Variants in MICAL1 observed in about 807,000 individuals in gnomAD.
MICAL1 encodes the protein microtubule associated monooxygenase, calponin and LIM domain containing 1, also known as [F-actin]-monooxygenase MICAL1.
In MICAL1, 95 loss-of-function variants were observed where a neutral mutation model predicts 131.8. That is an observed-to-expected ratio of 0.72 (90% CI 0.61 to 0.86). The LOEUF (loss-of-function observed/expected upper bound fraction) is 0.86, where lower values mean the gene tolerates loss of function less well. Ranked by LOEUF, MICAL1 falls within the 40% of genes least tolerant of loss-of-function variation. MICAL1 has a pLI of 0.00. For missense variants in MICAL1, 1,292 were observed against 1,380.6 expected (o/e 0.94, Z 1.02); for synonymous variants, 546 against 554.2 (o/e 0.99, Z 0.21).
chr6:109,461,063 G>T (rs1269804927), intron 1 of MICAL1, among the ~76,000 whole-genome samples: 1 of 152,056 alleles, frequency 6.6e-6, no homozygotes, highest in African/African-American at 2.4e-5. Flanking sequence ...CCATCAACTT[G>T]TCATTTACAT....
intron 1 of MICAL1, chr6:109,465,119 C>A (rs2115352112): frequency 6.6e-6 from 1 of 152,316 alleles, no homozygotes; most frequent in East Asian, 1.9e-4. Flanking sequence ...ATTTTGATAG[C>A]CTTCTGTTGA....
At position 109,450,031 on chromosome 6, in the gene MICAL1, C is replaced by T. The variant is rs1350033666; in HGVS notation, c.1246G>A (p.Ala416Thr). 1 of 1,614,034 alleles carries T rather than the reference C, an allele frequency of 6.2e-7. No homozygotes were observed. Among genetic ancestry groups the T allele is most frequent in the African/African-American group, 1.3e-5 (1 of 74,920 alleles). Reference sequence around the variant, plus strand: ...GCCCACCGCTTCACCATCCAGGCTGCATCAAAGGCTGCCAGGAAGCCCCGT... The same window carrying T: ...GCCCACCGCTTCACCATCCAGGCTGTATCAAAGGCTGCCAGGAAGCCCCGT... ...VARGFLAAFD[A>T]AWMVKRWAEG... The change falls in exon 9 of 25, where the codon GCA becomes ACA. Residue 416 changes from alanine (A) to threonine (T), a missense_variant. By Grantham distance (58) the Ala-to-Thr change is moderately conservative. Coordinates refer to ENST00000358807, the MANE Select transcript of MICAL1 (RefSeq NM_022765.4).
upstream of MICAL1, among the ~76,000 whole-genome samples, chr6:109,457,265 C>G (rs9487111): frequency 0.017 from 2,553 of 152,260 alleles, 83 homozygotes; most frequent in African/African-American, 0.059. Context: ...CAGTTGGGCC[C>G]ATCCTAGCTT....
chr6:109,449,992 A>T lies in MICAL1; in HGVS notation c.1285T>A (p.Ser429Thr). 2 of 1,613,766 alleles carry T rather than the reference A, an allele frequency of 1.2e-6. No homozygotes were observed. The highest frequency in any genetic ancestry group is 1.7e-6 in the Non-Finnish European group (2 of 1,179,892). Residue 429 changes from serine to threonine, a missense_variant, in exon 9 of 25, where the codon TCC becomes ACC. Ser to Thr is a moderately conservative substitution (Grantham distance 58). Coordinates refer to ENST00000358807, the MANE Select transcript of MICAL1 (RefSeq NM_022765.4). ...MVKRWAEGAE[S>T]LEVLAERESL... ...TACCGCTCAGCCAACACCTCTAGGG[A>T]CTCAGCGCCCTCTGCCCACCGCTTC...
upstream of MICAL1, among the ~76,000 whole-genome samples, chr6:109,456,839 C>T (rs571705349): frequency 6.6e-6 from 1 of 152,334 alleles, no homozygotes; most frequent in South Asian, 2.1e-4. Flanking sequence ...GTTCTGTGAT[C>T]TGCACACAGC....
At chr6:109,465,506 G>T in intron 1 of MICAL1, 1 of 771,638 alleles carries the variant, frequency 1.3e-6, no homozygotes, top group Non-Finnish European at 2.0e-6. Context: ...TAACTGGGGA[G>T]GTTGGCAAGA....
intron 4 of MICAL1, 57 bp downstream of exon 4, chr6:109,453,206 A>C: frequency 1.4e-6 from 2 of 1,402,386 alleles, no homozygotes; most frequent in Non-Finnish European, 2.0e-6. Context: ...TTTTTCAGAC[A>C]CTGGCCAAGT....
Position 109,446,134 on chromosome 6 carries a change from AC to A in MICAL1, c.2581+1del. ...GTCAGCACATCTGTGAGGATGGGTT[AC>A]CTTGAGGGCTCTGGACTGGCAGGCC... On this transcript the variant is annotated splice_donor_variant, in intron 19 of 24. Transcript: ENST00000358807. LOFTEE classifies it high-confidence loss of function. 6.6e-7 allele frequency: 1 copy of A among 1,517,182 alleles called. No individual in the cohort carries two copies. The highest frequency in any genetic ancestry group is 8.8e-7 in the Non-Finnish European group (1 of 1,135,652). 94.0% of individuals were successfully genotyped at this position (1,517,182 alleles called of 1,614,324 possible). A position where few individuals can be genotyped will look rare whatever the true frequency, so the allele number is the denominator to read the frequency against.
chr6:109,448,211 T>TG lies in MICAL1; in HGVS notation c.1846dup (p.His616ProfsTer21). The TG allele has an allele frequency of 6.2e-7, 1 of 1,611,424 alleles. No individual in the cohort carries two copies. The highest frequency in any genetic ancestry group is 8.5e-7 in the Non-Finnish European group (1 of 1,179,714). On this transcript the variant is annotated frameshift_variant, in exon 13 of 25. Coordinates refer to ENST00000358807, the MANE Select transcript of MICAL1 (RefSeq NM_022765.4). LOFTEE classifies it high-confidence loss of function. ...CCTTTCCTTCAGGTCACCTGGGCTGTGGGCCATGCTCTTGAAGGCACTGTG... is the reference window on the plus strand; with the variant it reads ...CCTTTCCTTCAGGTCACCTGGGCTGTGGGGCCATGCTCTTGAAGGCACTGTG...
In MICAL1 at chr6:109,449,739, A is replaced by G. The variant is rs1775451350; in HGVS notation, c.1352T>C (p.Met451Thr). ...QLLSQTSPENMHRNVAQYGLD... is the reference protein window; with the variant it reads ...QLLSQTSPENTHRNVAQYGLD... ...CCCATACTGGGCCACATTGCGATGC[A>G]TGTTTTCTGGGGATGTCTGTGACAG... Residue 451 changes from methionine (M) to threonine (T), a missense_variant, in exon 10 of 25, where the codon ATG becomes ACG. Coordinates refer to ENST00000358807, the MANE Select transcript of MICAL1 (RefSeq NM_022765.4). 6.2e-7 allele frequency: 1 copy of G among 1,607,162 alleles called. No individual in the cohort carries two copies. Among genetic ancestry groups the G allele is most frequent in the Non-Finnish European group, 8.5e-7 (1 of 1,176,682 alleles).
intron 6 of MICAL1, 100 bp downstream of exon 6, chr6:109,452,146 T>G: frequency 6.7e-7 from 1 of 1,498,074 alleles, no homozygotes; most frequent in Non-Finnish European, 8.9e-7. Flanking sequence ...AACAGAAAAG[T>G]GTGGAGTTCC....
In MICAL1 at chr6:109,452,314, AC is replaced by A; in HGVS notation, c.763del (p.Val255CysfsTer7). ...CCTGGCTACACCACTGATCTCCGGC[AC>A]CTGTGTCTCCTCCACGGTGCGTCCA... is the stretch of plus-strand genomic sequence containing the variant. ...VNGRTVEETQ[V>X]PEISGVARIY... On this transcript the variant is annotated frameshift_variant, in exon 6 of 25. Transcript: ENST00000358807. LOFTEE classifies it high-confidence loss of function. 1 of 1,614,136 alleles carries A rather than the reference AC, an allele frequency of 6.2e-7. No individual in the cohort carries two copies. The highest frequency in any genetic ancestry group is 1.1e-5 in the South Asian group (1 of 91,084).
At chr6:109,457,961 A>G (rs1424516330), upstream of MICAL1, among the ~76,000 whole-genome samples, 1 of 152,162 alleles carries the variant, frequency 6.6e-6, no homozygotes, top group Non-Finnish European at 1.5e-5. Context: ...GTGACCTTGG[A>G]TGTCACCAAC....
chr6:109,446,428 T>TGTGGTCTGGTCAGTCACCTGCCCAGG lies in MICAL1; in HGVS notation c.2305-17_2305-16insCCTGGGCAGGTGACTGACCAGACCAC, dbSNP rs6149743. On this transcript the variant is annotated splice_polypyrimidine_tract_variant and intron_variant, in intron 18 of 24. Coordinates refer to ENST00000358807, the MANE Select transcript of MICAL1 (RefSeq NM_022765.4). ...TGGGGAGCTCCTGGAAAAGCCACCA[T>TGTGGTCTGGTCAGTCACCTGCCCAGG]GTGGAGTGAGGTCGGGGGGTGAGGC... 7.8e-5 allele frequency: 125 copies of TGTGGTCTGGTCAGTCACCTGCCCAGG among 1,612,652 alleles called. No individual in the cohort carries two copies. The highest frequency in any genetic ancestry group is 6.5e-5 in the Non-Finnish European group (77 of 1,179,712).
Position 109,447,967 on chromosome 6 carries a change from C to G in MICAL1, c.1856-4G>C. 6.2e-7 allele frequency: 1 copy of G among 1,601,268 alleles called. No homozygotes were observed. Among genetic ancestry groups the G allele is most frequent in the African/African-American group, 1.3e-5 (1 of 74,716 alleles). ...GGGGAGGCCTGGCTGACAGGGCCTG[C>G]GGGGAGAGCCAGGGCATCAGTGTGG... is the stretch of plus-strand genomic sequence containing the variant. On this transcript the variant is annotated splice_polypyrimidine_tract_variant and splice_region_variant and intron_variant, in intron 13 of 24. Coordinates refer to ENST00000358807, the MANE Select transcript of MICAL1 (RefSeq NM_022765.4).
At chr6:109,450,200 T>A in intron 8 of MICAL1, 100 bp downstream of exon 8, 1 of 1,563,800 alleles carries the variant, frequency 6.4e-7, no homozygotes, top group Non-Finnish European at 8.7e-7. Flanking sequence ...AGGCAGCCCT[T>A]AGCTCCTCCC....
At position 109,449,411 on chromosome 6, in the gene MICAL1, ATCCCTGTATCTGTCTTG is replaced by A; in HGVS notation, c.1488_1504del (p.Lys497AlafsTer37). The A allele has an allele frequency of 6.2e-7, 1 of 1,614,200 alleles. No individual in the cohort carries two copies. The highest frequency in any genetic ancestry group is 1.1e-5 in the South Asian group (1 of 91,086). ...GAAGGCCTGCTCACCGGTGGCTGGCATCCCTGTATCTGTCTTGTCGTTGTTCCTCTGCACAGGCTCCT... is the reference window on the plus strand; with the variant it reads ...GAAGGCCTGCTCACCGGTGGCTGGCATCGTTGTTCCTCTGCACAGGCTCCT... On this transcript the variant is annotated frameshift_variant, in exon 11 of 25. Coordinates refer to ENST00000358807, the MANE Select transcript of MICAL1 (RefSeq NM_022765.4). LOFTEE classifies it high-confidence loss of function.
At position 109,448,634 on chromosome 6, in the gene MICAL1, G is replaced by A. The variant is rs548501953; in HGVS notation, c.1664+98C>T. On this transcript the variant is annotated intron_variant, in intron 12 of 24. Coordinates refer to ENST00000358807, the MANE Select transcript of MICAL1 (RefSeq NM_022765.4). ...TGCATTAGAGTCTCACAAGACTGTC[G>A]GCAGATGCAGGGAAGCACACTGTCT... 380 of 1,519,384 alleles carry A rather than the reference G, an allele frequency of 2.5e-4. 1 individual carries two copies. The African/African-American group carries it at 4.6e-3, about 18-fold the overall frequency. The allele number at this position is 1,519,384 out of a possible 1,614,324, so 94.1% of individuals were successfully genotyped here. A position where few individuals can be genotyped will look rare whatever the true frequency, so the allele number is the denominator to read the frequency against.
chr6:109,447,501 C>T (rs998843778), intron 15 of MICAL1, 61 bp from the exon 16 acceptor site: 25 of 1,551,384 alleles, frequency 1.6e-5, no homozygotes, highest in African/African-American at 1.2e-4. Flanking sequence ...GGAGGGGATG[C>T]GTACAGATGA....
Sources: allele counts gnomAD v4.1 joint callset (sites outside exome capture counted in the v4.1 genomes callset), GRCh38; gene constraint gnomAD v4.1.1; transcripts MANE v1.5; gene names NCBI Gene and HGNC (gene_info 2026-07-23, HGNC 2026-07-21).